NALCN: variants seen among roughly 807,000 people sequenced by gnomAD.
The protein encoded by NALCN is sodium leak channel NALCN.
NALCN carries 111 observed loss-of-function variants against 225.3 expected under a neutral mutation model. That is an observed-to-expected ratio of 0.49 (90% CI 0.42 to 0.58). The LOEUF (loss-of-function observed/expected upper bound fraction) is 0.58. NALCN is among the 20% of genes least tolerant of loss of function. NALCN has a pLI of 0.00. For missense variants in NALCN, 1,378 were observed against 2,202.4 expected (o/e 0.63, Z 7.49); for synonymous variants, 764 against 769.0 (o/e 0.99, Z 0.11).
chr13:101,212,622 T>A (rs2040567793), intron 13 of NALCN, among the ~76,000 whole-genome samples: 1 of 152,118 alleles, frequency 6.6e-6, no homozygotes. Flanking sequence ...AATGGGTATA[T>A]CAGATATTTT....
chr13:101,219,219 CCTTATT>C (rs1328902867), intron 13 of NALCN, among the ~76,000 whole-genome samples: 5 of 152,130 alleles, frequency 3.3e-5, no homozygotes, highest in Non-Finnish European at 5.9e-5. Flanking sequence ...GAATAAATTT[CCTTATT>C]CTTAAAGTCA....
In NALCN at chr13:101,316,484, T is replaced by C. The variant is rs144284056; in HGVS notation, c.800-24118A>G. ...ATCTAAATTACCTATTTATTTCATG[T>C]GTTCAAGAACATTTTGTTTCCACAT... On this transcript the variant is annotated intron_variant, in intron 7 of 43. Transcript: ENST00000251127. Among the ~76,000 whole-genome samples, 547 of 152,334 alleles carry C rather than the reference T, an allele frequency of 3.6e-3. 7 individuals are homozygous for C. Among genetic ancestry groups the C allele is most frequent in the African/African-American group, 0.012 (515 of 41,580 alleles).
chr13:101,229,904 A>G (rs1212559139), intron 12 of NALCN, among the ~76,000 whole-genome samples: 1 of 152,200 alleles, frequency 6.6e-6, no homozygotes, highest in Non-Finnish European at 1.5e-5. Context: ...ATACAGGTTG[A>G]ACATTCCTAA....
At chr13:101,270,676 T>G (rs1312531453) in intron 10 of NALCN, among the ~76,000 whole-genome samples, 1 of 152,240 alleles carries the variant, frequency 6.6e-6, no homozygotes, top group Non-Finnish European at 1.5e-5. Flanking sequence ...ACAAAGTGAC[T>G]TACATTTTAG....
chr13:101,163,335 A>C (rs902634440), intron 15 of NALCN, among the ~76,000 whole-genome samples: 5 of 152,134 alleles, frequency 3.3e-5, no homozygotes, highest in Non-Finnish European at 7.4e-5. Context: ...CGAGTGGACA[A>C]TCTTAGGTGT....
At chr13:101,162,274 G>T (rs879903406) in intron 15 of NALCN, among the ~76,000 whole-genome samples, 1 of 152,140 alleles carries the variant, frequency 6.6e-6, no homozygotes, top group African/African-American at 2.4e-5. Context: ...AGACCAGAAG[G>T]CTCCATGGGA....
intron 2 of NALCN, among the ~76,000 whole-genome samples, chr13:101,396,184 G>A (rs1483870976): frequency 6.6e-6 from 1 of 151,902 alleles, no homozygotes; most frequent in African/African-American, 2.4e-5. Context: ...TTAAAGATAA[G>A]TGTGTGTTAA....
intron 7 of NALCN, among the ~76,000 whole-genome samples, chr13:101,339,868 T>C (rs1307592467): frequency 6.6e-6 from 1 of 152,102 alleles, no homozygotes; most frequent in Non-Finnish European, 1.5e-5. Context: ...AATTGATGAA[T>C]AAAGACCAAA....
rs1055348359 is a variant in NALCN at position 101,258,723 on chromosome 13, C to A, written c.1135-149G>T. ...ATAAAGCCATCCATGTCCCACACTG[C>A]TGAACTGGGCAGGCAAGGGAACCTT... On this transcript the variant is annotated intron_variant, in intron 10 of 43. Coordinates refer to ENST00000251127, the MANE Select transcript of NALCN (RefSeq NM_052867.4). 1.0e-5 allele frequency: 11 copies of A among 1,078,058 alleles called. No individual in the cohort carries two copies. The East Asian group carries it at 2.6e-4, about 25-fold the overall frequency. The allele number at this position is 1,078,058 out of a possible 1,614,324, so 66.8% of individuals were successfully genotyped here. A position where few individuals can be genotyped will look rare whatever the true frequency, so the allele number is the denominator to read the frequency against.
At chr13:101,315,129 G>A (rs552257325) in intron 7 of NALCN, among the ~76,000 whole-genome samples, 7 of 152,274 alleles carry the variant, frequency 4.6e-5, no homozygotes, top group African/African-American at 1.7e-4. Context: ...TTAACGAACT[G>A]TAATGCTAGG....
rs759263519 is a variant in NALCN, at chr13:101,201,477, G to A, written c.1627-9423C>T. Among the ~76,000 whole-genome samples, 103 of 152,152 alleles carry A rather than the reference G, an allele frequency of 6.8e-4. 1 individual carries two copies. The highest frequency in any genetic ancestry group is 9.7e-4 in the Non-Finnish European group (66 of 67,998). On this transcript the variant is annotated intron_variant, in intron 13 of 43. Coordinates refer to ENST00000251127, the MANE Select transcript of NALCN (RefSeq NM_052867.4). ...GGTCATCCATGTTGTAGTATGCATC[G>A]GAACTTCATTCCCTTTTGTTGCCAA... is the stretch of plus-strand genomic sequence containing the variant.
intron 7 of NALCN, among the ~76,000 whole-genome samples, chr13:101,334,448 G>A (rs2045306765): frequency 6.6e-6 from 1 of 152,072 alleles, no homozygotes; most frequent in Non-Finnish European, 1.5e-5. Context: ...GGCATTCCAG[G>A]AAGAATGGGA....
intron 7 of NALCN, among the ~76,000 whole-genome samples, chr13:101,327,778 A>G (rs369724874): frequency 5.3e-5 from 8 of 152,340 alleles, no homozygotes; most frequent in African/African-American, 1.9e-4. Flanking sequence ...CTCCTAGGAT[A>G]AAGACTGCAA....
At chr13:101,247,931 C>T (rs1438341364) in intron 11 of NALCN, among the ~76,000 whole-genome samples, 1 of 152,092 alleles carries the variant, frequency 6.6e-6, no homozygotes, top group Non-Finnish European at 1.5e-5. Flanking sequence ...GTTTTCTGTT[C>T]CTGTGTTAGT....
intron 34 of NALCN, among the ~76,000 whole-genome samples, chr13:101,078,916 AAGGGAGG>A (rs1295015536): frequency 2.6e-5 from 4 of 152,192 alleles, no homozygotes; most frequent in African/African-American, 9.6e-5. Context: ...TAATTGAATT[AAGGGAGG>A]CAGTTTCCCC....
intron 13 of NALCN, among the ~76,000 whole-genome samples, chr13:101,211,367 T>C (rs190638694): frequency 9.2e-5 from 14 of 152,194 alleles, no homozygotes; most frequent in Admixed American, 8.5e-4. Context: ...GGAAACAGGA[T>C]GCTTTATTCA....
At chr13:101,128,729 CA>C (rs1448012800) in intron 17 of NALCN, among the ~76,000 whole-genome samples, 2 of 142,544 alleles carry the variant, frequency 1.4e-5, no homozygotes, top group Non-Finnish European at 3.0e-5. Flanking sequence ...AGCTAAGTAA[CA>C]TTTTTTTTTT....
At chr13:101,071,957 A>G (rs1371238342) in intron 37 of NALCN, among the ~76,000 whole-genome samples, 1 of 152,200 alleles carries the variant, frequency 6.6e-6, no homozygotes, top group East Asian at 1.9e-4. Flanking sequence ...GTCTCAGGAC[A>G]TAGGGAGGCC....
At position 101,171,704 on chromosome 13, in the gene NALCN, C is replaced by G. The variant is rs911166793; in HGVS notation, c.1839+4596G>C. ...ACAAAGGAAAAGCCATAGAGGTGAC[C>G]ATCACGGCACACACTGGTGATGTCT... is the stretch of plus-strand genomic sequence containing the variant. On this transcript the variant is annotated intron_variant, in intron 15 of 43. Transcript: ENST00000251127. 7.2e-5 allele frequency among the ~76,000 whole-genome samples: 11 copies of G among 152,210 alleles called. No homozygotes were observed. In the East Asian group the frequency reaches 2.1e-3, roughly 29 times the overall value.
Sources: gnomAD v4.1 joint callset for allele counts (sites outside exome capture counted in the v4.1 genomes callset) on GRCh38, gnomAD v4.1.1 for gene constraint, MANE v1.5 for transcripts, NCBI Gene and HGNC (gene_info 2026-07-23, HGNC 2026-07-21) for gene names.